Variants in KCNG3 observed in about 807,000 individuals in gnomAD.
KCNG3 encodes potassium voltage-gated channel modifier subfamily G member 3, also known as voltage-gated potassium channel regulatory subunit KCNG3.
Under a neutral mutation model 29.0 loss-of-function variants are expected in KCNG3, and 15 were observed. The ratio of observed to expected loss-of-function variants is 0.52; its 90% confidence interval spans 0.35 to 0.80. KCNG3 has a LOEUF of 0.80. Among genes scored for constraint, KCNG3 ranks in the 30% least tolerant of loss-of-function variants. The pLI is 0.01. For synonymous variants in KCNG3, 322 were observed against 248.9 expected (o/e 1.29, Z -2.76); for missense variants, 512 against 605.7 (o/e 0.85, Z 1.62).
the KCNG3 span, among the ~76,000 whole-genome samples, chr2:42,430,623 C>T: frequency 1.3e-4 from 20 of 151,808 alleles, no homozygotes; most frequent in African/African-American, 4.6e-4. Context: ...TGGTGGCACA[C>T]ACCTGTAGTC....
At chr2:42,480,933 A>G (rs552844078) in intron 1 of KCNG3, among the ~76,000 whole-genome samples, 2 of 152,182 alleles carry the variant, frequency 1.3e-5, no homozygotes, top group South Asian at 4.1e-4. Flanking sequence ...GGCATGCACC[A>G]TCACACCTGG....
intron 1 of KCNG3, among the ~76,000 whole-genome samples, chr2:42,451,180 G>A (rs1285117371): frequency 1.5e-5 from 2 of 135,908 alleles, no homozygotes; most frequent in African/African-American, 5.5e-5. Context: ...ACTCCAGCCT[G>A]GGTGACAGAG....
chr2:42,426,758 T>C, the KCNG3 span, among the ~76,000 whole-genome samples: 1 of 152,212 alleles, frequency 6.6e-6, no homozygotes, highest in Non-Finnish European at 1.5e-5. Context: ...AGGGACTTTA[T>C]CAGACTTAAA....
chr2:42,466,008 CATA>C (rs986563738), intron 1 of KCNG3, among the ~76,000 whole-genome samples: 5 of 152,188 alleles, frequency 3.3e-5, no homozygotes, highest in Admixed American at 6.5e-5. Context: ...TCATACACCA[CATA>C]ATGACATTTC....
chr2:42,426,430 G>T, the KCNG3 span, among the ~76,000 whole-genome samples: 2 of 152,234 alleles, frequency 1.3e-5, no homozygotes, highest in Admixed American at 1.3e-4. Flanking sequence ...GGTTGATACA[G>T]TACATCTGAT....
intron 1 of KCNG3, among the ~76,000 whole-genome samples, chr2:42,470,967 C>T (rs1673270160): frequency 6.6e-6 from 1 of 152,064 alleles, no homozygotes; most frequent in Admixed American, 6.6e-5. Context: ...GCCTGGGCAA[C>T]ACAGTGAGAT....
chr2:42,452,220 A>AATATATATATATATAT lies in KCNG3; in HGVS notation c.666-7657_666-7642dup, dbSNP rs869226338. Among the ~76,000 whole-genome samples the AATATATATATATATAT allele has an allele frequency of 1.6e-3, 170 of 104,608 alleles. 2 individuals are homozygous for AATATATATATATATAT. The highest frequency in any genetic ancestry group is 3.2e-3 in the East Asian group (9 of 2,770). 68.6% of individuals were successfully genotyped at this position (104,608 alleles called of 152,430 possible). On this transcript the variant is annotated intron_variant, in intron 1 of 1. Transcript: ENST00000306078. ...TCACATCAGGGTAAATGGGGTGGTAAATATATATATATATATATATATATT... is the reference window on the plus strand; with the variant it reads ...TCACATCAGGGTAAATGGGGTGGTAAATATATATATATATATATATATATATATATATATATATATT...
rs201809445 is a variant in KCNG3, at chr2:42,476,067, TATA to T, written c.665+16767_665+16769del. ...GGCAACAAGAGTGAACTCCGTCTCA[TATA>T]ATAATAATAATTAATAAAACATTAA... On this transcript the variant is annotated intron_variant, in intron 1 of 1. Transcript: ENST00000306078. Among the ~76,000 whole-genome samples the T allele has an allele frequency of 6.4e-3, 971 of 152,108 alleles. 13 individuals are homozygous for T. The highest frequency in any genetic ancestry group is 0.022 in the African/African-American group (931 of 41,510).
chr2:42,482,585 T>G (rs1673616272), intron 1 of KCNG3, among the ~76,000 whole-genome samples: 1 of 152,060 alleles, frequency 6.6e-6, no homozygotes, highest in Non-Finnish European at 1.5e-5. Context: ...TAGCCGGGCC[T>G]GGGCATGGTG....
At chr2:42,430,578 T>G in the KCNG3 span, among the ~76,000 whole-genome samples, 33 of 151,452 alleles carry the variant, frequency 2.2e-4, 1 homozygote, top group South Asian at 6.9e-3. Context: ...TAGTTAGCCC[T>G]TGTCTGTACA....
At position 42,444,636 on chromosome 2, in the gene KCNG3, C is replaced by T; in HGVS notation, c.666-57G>A. ...TTTATTTTTAAGCATTTTAATAGCT[C>T]TTAGATTTCTTCAGATAGTACTACA... On this transcript the variant is annotated intron_variant, in intron 1 of 1. Transcript: ENST00000306078. The surrounding 1 kb of genome is among the most constrained non-coding windows in gnomAD (Gnocchi z 5.8). The T allele has an allele frequency of 6.8e-7, 1 of 1,464,198 alleles. No homozygotes were observed. The highest frequency in any genetic ancestry group is 9.3e-7 in the Non-Finnish European group (1 of 1,074,376). The allele number at this position is 1,464,198 out of a possible 1,614,324, so 90.7% of individuals were successfully genotyped here.
chr2:42,450,558 T>C (rs1672722899), intron 1 of KCNG3, among the ~76,000 whole-genome samples: 1 of 152,222 alleles, frequency 6.6e-6, no homozygotes, highest in African/African-American at 2.4e-5. Context: ...ATACATCACA[T>C]TCCTTTGAAG....
At chr2:42,446,757 T>C (rs1297921586) in intron 1 of KCNG3, among the ~76,000 whole-genome samples, 1 of 152,196 alleles carries the variant, frequency 6.6e-6, no homozygotes, top group Non-Finnish European at 1.5e-5. Flanking sequence ...TACAGGGCTG[T>C]AAAGATTAAC....
chr2:42,454,808 C>T (rs1165832859), intron 1 of KCNG3, among the ~76,000 whole-genome samples: 1 of 152,068 alleles, frequency 6.6e-6, no homozygotes, highest in Non-Finnish European at 1.5e-5. Flanking sequence ...GACAAATACA[C>T]TGTGATTCCA....
chr2:42,445,835 T>G (rs147142416), intron 1 of KCNG3, among the ~76,000 whole-genome samples: 4,918 of 152,050 alleles, frequency 0.032, 97 homozygotes, highest in Non-Finnish European at 0.05. Context: ...TAAGCAATTC[T>G]CCTGCCTCAG....
At chr2:42,390,346 T>C in the KCNG3 span, among the ~76,000 whole-genome samples, 2 of 152,236 alleles carry the variant, frequency 1.3e-5, no homozygotes, top group Non-Finnish European at 2.9e-5. Context: ...GATTCATTTA[T>C]GAATGGTGGA....
intron 1 of KCNG3, among the ~76,000 whole-genome samples, chr2:42,485,144 AAC>A (rs1265835604): frequency 6.6e-6 from 1 of 152,226 alleles, no homozygotes; most frequent in Non-Finnish European, 1.5e-5. Context: ...GGATTAAAAT[AAC>A]ACAAGAAATT....
the KCNG3 span, among the ~76,000 whole-genome samples, chr2:42,423,854 G>A: frequency 2.0e-5 from 3 of 151,674 alleles, no homozygotes; most frequent in African/African-American, 7.3e-5. Flanking sequence ...CAATGACAGG[G>A]AAGTATGTGC....
Position 42,444,828 on chromosome 2 carries a change from G to C in KCNG3, c.666-249C>G, listed in dbSNP as rs1352756544. The stretch of plus-strand genomic sequence containing the variant: ...TGTAATCCCAGGTCTTTGGAAGGCT[G>C]AGGTGGGTGAATCGCTTGAGCCCAG... On this transcript the variant is annotated intron_variant, in intron 1 of 1. Transcript: ENST00000306078. This position sits in a 1 kb window ranked among gnomAD's most constrained non-coding sequence, Gnocchi z 5.8. 6.6e-6 allele frequency among the ~76,000 whole-genome samples: 1 copy of C among 151,968 alleles called. No homozygotes were observed. Among genetic ancestry groups the C allele is most frequent in the African/African-American group, 2.4e-5 (1 of 41,376 alleles).
Sources: gnomAD v4.1 joint callset for allele counts (sites outside exome capture counted in the v4.1 genomes callset) on GRCh38, gnomAD v4.1.1 for gene constraint, Gnocchi (gnomAD v3.1) non-coding constraint, MANE v1.5 for transcripts, NCBI Gene and HGNC (gene_info 2026-07-23, HGNC 2026-07-21) for gene names.